The following HMBOX1 variants were observed in gnomAD, a reference collection of about 807,000 sequenced individuals.
HMBOX1 encodes homeobox-containing protein 1.
A neutral mutation model predicts 54.5 loss-of-function variants in HMBOX1; 14 were observed. That is an observed-to-expected ratio of 0.26 (90% CI 0.17 to 0.40). The LOEUF is 0.40. Among genes scored for constraint, HMBOX1 ranks in the 10% least tolerant of loss-of-function variants. The pLI, the probability that HMBOX1 is intolerant of heterozygous loss-of-function variation, is 1.00. For missense variants in HMBOX1, 332 were observed against 514.4 expected (o/e 0.65, Z 3.43); for synonymous variants, 160 against 181.0 (o/e 0.88, Z 0.93).
chr8:29,042,505 G>A (rs1804989607), intron 6 of HMBOX1: 9 of 384,634 alleles, frequency 2.3e-5, no homozygotes, highest in South Asian at 1.8e-4. Flanking sequence ...AAGTGGGGCA[G>A]GAGATGGGAT....
At chr8:28,990,996 A>G (rs975647812) in intron 4 of HMBOX1, among the ~76,000 whole-genome samples, 1 of 152,178 alleles carries the variant, frequency 6.6e-6, no homozygotes, top group African/African-American at 2.4e-5. Context: ...TGTTATCATA[A>G]TAACGTTGGC....
intron 6 of HMBOX1, among the ~76,000 whole-genome samples, chr8:29,031,914 CT>C (rs1803032482): frequency 6.6e-6 from 1 of 152,060 alleles, no homozygotes; most frequent in Admixed American, 6.5e-5. Flanking sequence ...GAGTGGGGTC[CT>C]GGAGAGCAGT....
At chr8:28,960,264 CCT>C (rs1190830389) in intron 1 of HMBOX1, among the ~76,000 whole-genome samples, 1 of 143,024 alleles carries the variant, frequency 7.0e-6, no homozygotes, top group African/African-American at 3.0e-5. Context: ...GAAGAACAAT[CCT>C]CTTTTTTGTC....
At chr8:28,944,115 C>T (rs1821967748) in intron 1 of HMBOX1, among the ~76,000 whole-genome samples, 1 of 152,162 alleles carries the variant, frequency 6.6e-6, no homozygotes, top group Middle Eastern at 3.2e-3. Flanking sequence ...CTGATTTTTA[C>T]AATATTCAGT....
intron 4 of HMBOX1, among the ~76,000 whole-genome samples, chr8:28,997,191 G>C (rs929689283): frequency 6.6e-6 from 1 of 152,176 alleles, no homozygotes; most frequent in Admixed American, 6.5e-5. Flanking sequence ...CCTGATCTTA[G>C]GGAAAGTGTT....
chr8:28,958,888 A>G (rs1824960704), intron 1 of HMBOX1, among the ~76,000 whole-genome samples: 2 of 152,076 alleles, frequency 1.3e-5, no homozygotes, highest in Admixed American at 1.3e-4. Context: ...TCTCTGCCTT[A>G]AATTGGTTGA....
At chr8:28,939,711 T>C (rs896377239) in intron 1 of HMBOX1, among the ~76,000 whole-genome samples, 1 of 152,036 alleles carries the variant, frequency 6.6e-6, no homozygotes, top group Admixed American at 6.5e-5. Flanking sequence ...GGTTTCACTA[T>C]GTTGGCCAGG....
At position 28,973,817 on chromosome 8, in the gene HMBOX1, T is replaced by TG. The variant is rs1563501898; in HGVS notation, c.500+3298_500+3299insG. Reference sequence around the variant, plus strand: ...TACATAATGGAGTTTTTTTTTTTTTTTTTTTTTTTTTTTTTTTGAGACAGT... The same window carrying TG: ...TACATAATGGAGTTTTTTTTTTTTTTGTTTTTTTTTTTTTTTTTGAGACAGT... On this transcript the variant is annotated intron_variant, in intron 3 of 9. Transcript: ENST00000287701. Among the ~76,000 whole-genome samples, 301 of 128,406 alleles carry TG rather than the reference T, an allele frequency of 2.3e-3. 6 individuals carry two copies. Among genetic ancestry groups the TG allele is most frequent in the African/African-American group, 8.9e-3 (269 of 30,292 alleles). 84.2% of individuals were successfully genotyped at this position (128,406 alleles called of 152,430 possible).
At chr8:28,891,572 A>C (rs906748618) in intron 1 of HMBOX1, 10 of 152,116 alleles carry the variant, frequency 6.6e-5, no homozygotes, top group African/African-American at 2.4e-4. Flanking sequence ...GGAGTGCTGG[A>C]TTGTGTACGC....
intron 1 of HMBOX1, among the ~76,000 whole-genome samples, chr8:28,940,024 T>C (rs1295862446): frequency 6.6e-6 from 1 of 152,184 alleles, no homozygotes; most frequent in Non-Finnish European, 1.5e-5. Flanking sequence ...AAAATTGTTT[T>C]AGATTTTTTT....
At chr8:28,956,275 GCT>G (rs1212667152) in intron 1 of HMBOX1, among the ~76,000 whole-genome samples, 1 of 150,934 alleles carries the variant, frequency 6.6e-6, no homozygotes, top group African/African-American at 2.4e-5. Flanking sequence ...ACTTGGATCT[GCT>G]CTTTCTCTAC....
At chr8:28,999,283 T>C (rs1264296893) in intron 4 of HMBOX1, among the ~76,000 whole-genome samples, 2 of 152,194 alleles carry the variant, frequency 1.3e-5, no homozygotes, top group Non-Finnish European at 2.9e-5. Context: ...TGCTTGTATG[T>C]AATGGGTCAC....
At chr8:29,003,103 T>A (rs1810536121) in intron 4 of HMBOX1, among the ~76,000 whole-genome samples, 1 of 152,038 alleles carries the variant, frequency 6.6e-6, no homozygotes, top group African/African-American at 2.4e-5. Flanking sequence ...TTTCATTTTT[T>A]ATCTAAGTAG....
chr8:28,998,237 TA>T (rs1832146502), intron 4 of HMBOX1, among the ~76,000 whole-genome samples: 1 of 152,308 alleles, frequency 6.6e-6, no homozygotes, highest in East Asian at 1.9e-4. Context: ...TTCTGCCTAT[TA>T]TTGAAAGTGG....
intron 6 of HMBOX1, among the ~76,000 whole-genome samples, chr8:29,029,108 ACTTCTT>A (rs1213446968): frequency 6.6e-6 from 1 of 152,144 alleles, no homozygotes; most frequent in Non-Finnish European, 1.5e-5. Flanking sequence ...AAAACACTCT[ACTTCTT>A]GAAGAGAATC....
intron 1 of HMBOX1, among the ~76,000 whole-genome samples, chr8:28,962,973 G>A (rs1034819345): frequency 2.6e-5 from 4 of 152,058 alleles, no homozygotes; most frequent in Non-Finnish European, 4.4e-5. Flanking sequence ...GCAAGCAGGT[G>A]CCTCATATAT....
chr8:28,935,879 A>G (rs1205338603), intron 1 of HMBOX1, among the ~76,000 whole-genome samples: 2 of 152,100 alleles, frequency 1.3e-5, no homozygotes, highest in African/African-American at 4.8e-5. Flanking sequence ...CACTTGTCAG[A>G]GATACTATTT....
intron 1 of HMBOX1, among the ~76,000 whole-genome samples, chr8:28,950,183 T>A (rs777254732): frequency 2.0e-5 from 3 of 152,208 alleles, no homozygotes; most frequent in Non-Finnish European, 4.4e-5. Context: ...TGAGAATTTT[T>A]CTTGTACTGT....
intron 1 of HMBOX1, among the ~76,000 whole-genome samples, chr8:28,921,429 G>A (rs1817540170): frequency 1.3e-5 from 2 of 152,168 alleles, no homozygotes; most frequent in African/African-American, 4.8e-5. Flanking sequence ...AGTTTGTCAT[G>A]TAGTGAATAT....
Sources: allele counts gnomAD v4.1 joint callset (sites outside exome capture counted in the v4.1 genomes callset), GRCh38; gene constraint gnomAD v4.1.1; transcripts MANE v1.5; gene names NCBI Gene and HGNC (gene_info 2026-07-23, HGNC 2026-07-21).